Variants in HOXC12 observed in about 807,000 individuals in gnomAD.
HOXC12 encodes the protein homeobox C12.
Under a neutral mutation model 20.9 loss-of-function variants are expected in HOXC12, and 24 were observed. The ratio of observed to expected loss-of-function variants is 1.15; its 90% CI spans 0.83 to 1.61. The LOEUF (loss-of-function observed/expected upper bound fraction) is 1.61. Among genes scored for constraint, HOXC12 ranks in the 40% most tolerant of loss-of-function variants. HOXC12 has a pLI of 0.00. For synonymous variants in HOXC12, 202 were observed against 197.7 expected (o/e 1.02, Z -0.18); for missense variants, 436 against 406.9 (o/e 1.07, Z -0.62).
Position 53,956,346 on chromosome 12 carries a change from T to C in HOXC12, c.629T>C (p.Ile210Thr). The C allele has an allele frequency of 6.3e-7, 1 of 1,598,318 alleles. No individual in the cohort carries two copies. The highest frequency in any genetic ancestry group is 8.5e-7 in the Non-Finnish European group (1 of 1,171,838). ...CACCCAGGCGCGCCCTGGTACCCGA[T>C]CAACAGCCGCTCTCGGAAGAAGCGC... ...LSASGAPWYP[I>T]NSRSRKKRKP... The change falls in exon 2 of 2, where the codon ATC becomes ACC. Residue 210 changes from isoleucine (I) to threonine (T), a missense_variant. Coordinates refer to ENST00000243103, the MANE Select transcript of HOXC12 (RefSeq NM_173860.3).
In HOXC12 at chr12:53,957,679, T is replaced by A; in HGVS notation, c.*1113T>A. ...GGGCTACCAGCCATTGAGGTCCCAC[T>A]CAGCCCCAGTTTCCCAGGCCCGTGA... On this transcript the variant is annotated 3_prime_UTR_variant, in exon 2 of 2. Coordinates refer to ENST00000243103, the MANE Select transcript of HOXC12 (RefSeq NM_173860.3). 1 of 152,350 alleles carries A rather than the reference T, an allele frequency of 6.6e-6. No homozygotes were observed. Among genetic ancestry groups the A allele is most frequent in the Non-Finnish European group, 1.5e-5 (1 of 68,152 alleles). The allele number at this position is 152,350 out of a possible 1,614,324, so 9.4% of individuals were successfully genotyped here. A position where few individuals can be genotyped will look rare whatever the true frequency, so the allele number is the denominator to read the frequency against.
In HOXC12 at chr12:53,956,628, C is replaced by G. The variant is rs34427788; in HGVS notation, c.*62C>G. On this transcript the variant is annotated 3_prime_UTR_variant, in exon 2 of 2. Transcript: ENST00000243103. ...GTCCCTGGCAGAGAGCAAAAGAGGGCGCCGCCTAGAACACAGTCCCCACTT... is the reference window on the plus strand; with the variant it reads ...GTCCCTGGCAGAGAGCAAAAGAGGGGGCCGCCTAGAACACAGTCCCCACTT... 5.4e-5 allele frequency: 69 copies of G among 1,274,892 alleles called. No individual in the cohort carries two copies. The highest frequency in any genetic ancestry group is 2.2e-5 in the Admixed American group (1 of 45,094). The allele number at this position is 1,274,892 out of a possible 1,614,324, so 79.0% of individuals were successfully genotyped here. A position where few individuals can be genotyped will look rare whatever the true frequency, so the allele number is the denominator to read the frequency against.
rs376505789 is a variant in HOXC12 at position 53,956,310 on chromosome 12, C to T, written c.611-18C>T. 7.0e-6 allele frequency: 11 copies of T among 1,563,896 alleles called. 1 individual carries two copies. The highest frequency in any genetic ancestry group is 4.9e-5 in the South Asian group (4 of 82,022). On this transcript the variant is annotated intron_variant, in intron 1 of 1. Transcript: ENST00000243103. ...CCTTTGATCCTTTGGCCAACCCCTGCCATTCATCTCCACCCAGGCGCGCCC... is the reference window on the plus strand; with the variant it reads ...CCTTTGATCCTTTGGCCAACCCCTGTCATTCATCTCCACCCAGGCGCGCCC...
chr12:53,956,133 A>T (rs1592189787), intron 1 of HOXC12, among the ~76,000 whole-genome samples, 195 bp from the exon 2 acceptor site: 1 of 152,208 alleles, frequency 6.6e-6, no homozygotes, highest in East Asian at 1.9e-4. Flanking sequence ...AAGAGTAAAG[A>T]AAGTGGGGGA....
At position 53,955,339 on chromosome 12, in the gene HOXC12, T is replaced by C; in HGVS notation, c.410T>C (p.Phe137Ser). 7.1e-7 allele frequency: 1 copy of C among 1,416,312 alleles called. No homozygotes were observed. Among genetic ancestry groups the C allele is most frequent in the Non-Finnish European group, 9.2e-7 (1 of 1,092,652 alleles). 87.7% of individuals were successfully genotyped at this position (1,416,312 alleles called of 1,614,324 possible). Residue 137 changes from phenylalanine to serine, a missense_variant, in exon 1 of 2, where the codon TTC (phenylalanine) becomes TCC (serine). Physicochemically the swap from Phe to Ser is radical, Grantham distance 155. Coordinates refer to ENST00000243103, the MANE Select transcript of HOXC12 (RefSeq NM_173860.3). ...LEPSGPPALGFKYDYAAGGGG... is the reference protein window; with the variant it reads ...LEPSGPPALGSKYDYAAGGGG... ...CCGTCGGGGCCGCCTGCGCTCGGCT[T>C]CAAGTACGACTACGCGGCGGGCGGC...
In HOXC12 at chr12:53,955,100, G is replaced by A. The variant is rs551259367; in HGVS notation, c.171G>A (p.Ser57=). The A allele has an allele frequency of 6.0e-5, 97 of 1,612,352 alleles. No individual in the cohort carries two copies. The South Asian group carries it at 9.1e-4, about 15-fold the overall frequency. ...ACGTGTGCTCCCTGTCCTGGCCGTC[G>A]GCGGAGCCGTGCAATGGCTACCCGC... The part of the protein sequence containing the change: ...RDNVCSLSWP[S]AEPCNGYPQP... The change falls in exon 1 of 2, where the codon TCG becomes TCA. Residue 57 remains serine, a synonymous_variant. Transcript: ENST00000243103.
Position 53,954,925 on chromosome 12 carries a change from C to G in HOXC12, c.-5C>G. Reference sequence around the variant, plus strand: ...AGTAGAAGCTGCCGGTCGGGCCCCGCGGAAATGGGCGAGCATAATCTCCTG... The same window carrying G: ...AGTAGAAGCTGCCGGTCGGGCCCCGGGGAAATGGGCGAGCATAATCTCCTG... On this transcript the variant is annotated 5_prime_UTR_variant, in exon 1 of 2. Coordinates refer to ENST00000243103, the MANE Select transcript of HOXC12 (RefSeq NM_173860.3). 1 of 1,603,130 alleles carries G rather than the reference C, an allele frequency of 6.2e-7. No individual in the cohort carries two copies. The highest frequency in any genetic ancestry group is 8.5e-7 in the Non-Finnish European group (1 of 1,171,010).
At position 53,956,986 on chromosome 12, in the gene HOXC12, C is replaced by T. The variant is rs1178045646; in HGVS notation, c.*420C>T. 6.4e-6 allele frequency: 1 copy of T among 155,820 alleles called. No homozygotes were observed. The highest frequency in any genetic ancestry group is 1.4e-5 in the Non-Finnish European group (1 of 70,620). 9.7% of individuals were successfully genotyped at this position (155,820 alleles called of 1,614,324 possible). A position where few individuals can be genotyped will look rare whatever the true frequency, so the allele number is the denominator to read the frequency against. ...GAGCAAAGAGCAGGGCCAGTGGAAC[C>T]AAGGCACCTCAACCTCACAGTTCCT... On this transcript the variant is annotated 3_prime_UTR_variant, in exon 2 of 2. Transcript: ENST00000243103.
chr12:53,955,227 G>A lies in HOXC12; in HGVS notation c.298G>A (p.Ala100Thr), dbSNP rs754754429. ...DGKGYYREPC[A>T]EGGGGGLKRE... ...CAAGGGTTACTACCGCGAGCCGTGC[G>A]CCGAGGGTGGCGGCGGGGGCCTGAA... The change falls in exon 1 of 2, where the codon GCC becomes ACC. Residue 100 changes from alanine to threonine, a missense_variant. Coordinates refer to ENST00000243103, the MANE Select transcript of HOXC12 (RefSeq NM_173860.3). 2.5e-6 allele frequency: 4 copies of A among 1,595,386 alleles called. No individual in the cohort carries two copies. The highest frequency in any genetic ancestry group is 2.7e-5 in the African/African-American group (2 of 74,394).
chr12:53,955,973 G>A lies in HOXC12; in HGVS notation c.611-355G>A, dbSNP rs1437914439. ...AACTGATCCGGGATCCAGTCCTGAA[G>A]GATGTGAGAGGAAGGGACCAGGAAA... is the stretch of plus-strand genomic sequence containing the variant. On this transcript the variant is annotated intron_variant, in intron 1 of 1. Transcript: ENST00000243103. Among the ~76,000 whole-genome samples, 5 of 152,172 alleles carry A rather than the reference G, an allele frequency of 3.3e-5. No homozygotes were observed. In the East Asian group the frequency reaches 9.6e-4, roughly 29 times the overall value.
In HOXC12 at chr12:53,954,989, G is replaced by C; in HGVS notation, c.60G>C (p.Thr20=). Reference sequence around the variant, plus strand: ...TGGGGCCGCTGGTAAACATCCACACGGGAGACACCTTCTACTTCCCCAACT... The same window carrying C: ...TGGGGCCGCTGGTAAACATCCACACCGGAGACACCTTCTACTTCCCCAACT... ...GFVGPLVNIH[T]GDTFYFPNFR... The change falls in exon 1 of 2, where the codon ACG becomes ACC. Residue 20 remains threonine (T), a synonymous_variant. Coordinates refer to ENST00000243103, the MANE Select transcript of HOXC12 (RefSeq NM_173860.3). The C allele has an allele frequency of 6.2e-7, 1 of 1,614,200 alleles. No individual in the cohort carries two copies.
In HOXC12 at chr12:53,957,433, C is replaced by A. The variant is rs1018689069; in HGVS notation, c.*867C>A. 3 of 152,426 alleles carry A rather than the reference C, an allele frequency of 2.0e-5. No homozygotes were observed. The highest frequency in any genetic ancestry group is 4.4e-5 in the Non-Finnish European group (3 of 68,182). The allele number at this position is 152,426 out of a possible 1,614,324, so 9.4% of individuals were successfully genotyped here. Reference sequence around the variant, plus strand: ...GGGGACACAGCCTCAGGTTCAGTAGCCACCCCAGAGGTCCCCAGCTGGCTC... The same window carrying A: ...GGGGACACAGCCTCAGGTTCAGTAGACACCCCAGAGGTCCCCAGCTGGCTC... On this transcript the variant is annotated 3_prime_UTR_variant, in exon 2 of 2. Coordinates refer to ENST00000243103, the MANE Select transcript of HOXC12 (RefSeq NM_173860.3).
Position 53,955,206 on chromosome 12 carries a change from G to T in HOXC12, c.277G>T (p.Gly93Cys), listed in dbSNP as rs767635523. ...GCTGGCGCGCGTGGAGGACGGCAAG[G>T]GTTACTACCGCGAGCCGTGCGCCGA... Reference protein sequence around the residue: ...CELARVEDGKGYYREPCAEGG... With the variant: ...CELARVEDGKCYYREPCAEGG... The change falls in exon 1 of 2, where the codon GGT (glycine) becomes TGT (cysteine). Residue 93 changes from glycine (G) to cysteine (C), a missense_variant. Transcript: ENST00000243103. The T allele has an allele frequency of 1.9e-5, 31 of 1,608,120 alleles. No homozygotes were observed. Among genetic ancestry groups the T allele is most frequent in the Non-Finnish European group, 2.4e-5 (28 of 1,177,914 alleles).
Position 53,956,447 on chromosome 12 carries a change from C to G in HOXC12, c.730C>G (p.Arg244Gly). 6.2e-7 allele frequency: 1 copy of G among 1,614,142 alleles called. No homozygotes were observed. The highest frequency in any genetic ancestry group is 8.5e-7 in the Non-Finnish European group (1 of 1,179,994). Residue 244 changes from arginine to glycine, a missense_variant, in exon 2 of 2, where the codon CGG becomes GGG. Arg to Gly is a moderately radical substitution (Grantham distance 125, BLOSUM62 -2). Transcript: ENST00000243103. ...CAACGAGTTCATCACACGCCAGCGC[C>G]GGAGGGAACTCTCAGACCGCTTGAA... is the stretch of plus-strand genomic sequence containing the variant. ...LVNEFITRQR[R>G]RELSDRLNLS...
intron 1 of HOXC12, among the ~76,000 whole-genome samples, chr12:53,955,967 C>A (rs1938859555): frequency 1.3e-5 from 2 of 151,908 alleles, no homozygotes. Flanking sequence ...GGGATCCAGT[C>A]CTGAAGGATG....
At position 53,954,963 on chromosome 12, in the gene HOXC12, G is replaced by C; in HGVS notation, c.34G>C (p.Val12Leu). 1 of 1,613,774 alleles carries C rather than the reference G, an allele frequency of 6.2e-7. No homozygotes were observed. The highest frequency in any genetic ancestry group is 1.1e-5 in the South Asian group (1 of 91,076). Residue 12 changes from valine to leucine, a missense_variant, in exon 1 of 2, where the codon GTG becomes CTG. By Grantham distance (32) the Val-to-Leu change is conservative. Coordinates refer to ENST00000243103, the MANE Select transcript of HOXC12 (RefSeq NM_173860.3). ...GEHNLLNPGF[V>L]GPLVNIHTGD... ...GCATAATCTCCTGAATCCCGGGTTT[G>C]TGGGGCCGCTGGTAAACATCCACAC...
chr12:53,956,707 G>T lies in HOXC12; in HGVS notation c.*141G>T. 1 of 665,792 alleles carries T rather than the reference G, an allele frequency of 1.5e-6. No homozygotes were observed. The highest frequency in any genetic ancestry group is 2.6e-6 in the Non-Finnish European group (1 of 382,760). The allele number at this position is 665,792 out of a possible 1,614,324, so 41.2% of individuals were successfully genotyped here. On this transcript the variant is annotated 3_prime_UTR_variant, in exon 2 of 2. Transcript: ENST00000243103. Reference sequence around the variant, plus strand: ...CCCTGGATATCCTCTTGTCTGTTTTGTTCGTGGTTCCCTCCCATACACACC... The same window carrying T: ...CCCTGGATATCCTCTTGTCTGTTTTTTTCGTGGTTCCCTCCCATACACACC...
Position 53,957,272 on chromosome 12 carries a change from G to C in HOXC12, c.*706G>C, listed in dbSNP as rs1477282653. 7 of 152,412 alleles carry C rather than the reference G, an allele frequency of 4.6e-5. No homozygotes were observed. The allele number at this position is 152,412 out of a possible 1,614,324, so 9.4% of individuals were successfully genotyped here. ...ATGTTCCCTCTAGGACCAGAACAGT[G>C]TCCTGGTCCCCAGCCCTCTCCTGAT... On this transcript the variant is annotated 3_prime_UTR_variant, in exon 2 of 2. Transcript: ENST00000243103.
At chr12:53,955,704 C>A (rs972577378) in intron 1 of HOXC12, among the ~76,000 whole-genome samples, 165 bp downstream of exon 1, 2 of 152,174 alleles carry the variant, frequency 1.3e-5, no homozygotes, top group African/African-American at 2.4e-5. Flanking sequence ...ATGTAAACAT[C>A]CCCACAAAAG....
Sources: gnomAD v4.1 joint callset for allele counts (sites outside exome capture counted in the v4.1 genomes callset) on GRCh38, gnomAD v4.1.1 for gene constraint, MANE v1.5 for transcripts, NCBI Gene and HGNC (gene_info 2026-07-23, HGNC 2026-07-21) for gene names.